INPP5F: variants seen among roughly 807,000 people sequenced by gnomAD.
INPP5F encodes the protein phosphatidylinositide 4-phosphatase SAC2.
Under a neutral mutation model 137.2 loss-of-function variants are expected in INPP5F, and 97 were observed. That is an observed-to-expected ratio of 0.71 (90% CI 0.60 to 0.84). The LOEUF is 0.84. INPP5F is among the 40% of genes least tolerant of loss of function. The pLI, the probability that INPP5F is intolerant of heterozygous loss-of-function variation, is 0.00. For missense variants in INPP5F, 1,271 were observed against 1,371.9 expected (o/e 0.93, Z 1.16); for synonymous variants, 504 against 476.9 (o/e 1.06, Z -0.74).
intron 15 of INPP5F, among the ~76,000 whole-genome samples, chr10:119,820,136 T>C (rs1221691401): frequency 6.6e-6 from 1 of 152,244 alleles, no homozygotes; most frequent in Non-Finnish European, 1.5e-5. Flanking sequence ...GTAGATTTTA[T>C]ACTTTAAGAA....
intron 13 of INPP5F, among the ~76,000 whole-genome samples, chr10:119,809,260 T>C (rs1182581394): frequency 6.7e-6 from 1 of 150,036 alleles, no homozygotes; most frequent in Non-Finnish European, 1.5e-5. Context: ...CTGGTTCAAG[T>C]TAGTGATTAA....
In INPP5F at chr10:119,804,106, T is replaced by G. The variant is rs1476696099; in HGVS notation, c.1117-67T>G. The G allele has an allele frequency of 1.9e-5, 22 of 1,175,174 alleles. No individual in the cohort carries two copies. The Admixed American group carries it at 5.3e-4, about 28-fold the overall frequency. The allele number at this position is 1,175,174 out of a possible 1,614,324, so 72.8% of individuals were successfully genotyped here. ...ACCACACTGTGATTCTAACATCTAA[T>G]TAAATTTTAAACCACATTGTGATTC... On this transcript the variant is annotated intron_variant, in intron 9 of 19. Coordinates refer to ENST00000650623, the MANE Select transcript of INPP5F (RefSeq NM_014937.4).
At chr10:119,797,038 A>C in intron 7 of INPP5F, 125 bp downstream of exon 7, 1 of 896,706 alleles carries the variant, frequency 1.1e-6, no homozygotes, top group Non-Finnish European at 1.8e-6. Flanking sequence ...GTGCTTGGGG[A>C]CTCTAAATAC....
Position 119,766,130 on chromosome 10 carries a change from C to T in INPP5F, c.178+14974C>T, listed in dbSNP as rs149359946. Among the ~76,000 whole-genome samples the T allele has an allele frequency of 1.2e-3, 177 of 152,178 alleles. 2 individuals carry two copies. The highest frequency in any genetic ancestry group is 4.0e-3 in the African/African-American group (166 of 41,496). On this transcript the variant is annotated intron_variant, in intron 2 of 19. Transcript: ENST00000650623. ...GCCTGATAACCAGGAGCACTGATGT[C>T]TGCAGGCAGGAGAAGATGATGTCCC...
rs769964810 is a variant in INPP5F at position 119,828,154 on chromosome 10, CTGTT to C, written c.*378_*381del. On this transcript the variant is annotated 3_prime_UTR_variant, in exon 20 of 20. Coordinates refer to ENST00000650623, the MANE Select transcript of INPP5F (RefSeq NM_014937.4). The stretch of plus-strand genomic sequence containing the variant: ...GGATTAGCGTTTTTCATAATTTGTT[CTGTT>C]TGTCAGTTCATTCCTGTGTGTTCTT... 1.2e-5 allele frequency: 2 copies of C among 168,754 alleles called. No individual in the cohort carries two copies. Among genetic ancestry groups the C allele is most frequent in the African/African-American group, 2.4e-5 (1 of 41,628 alleles). 10.5% of individuals were successfully genotyped at this position (168,754 alleles called of 1,614,324 possible). A position where few individuals can be genotyped will look rare whatever the true frequency, so the allele number is the denominator to read the frequency against.
chr10:119,736,533 C>T (rs2077463100), intron 1 of INPP5F, among the ~76,000 whole-genome samples: 1 of 152,174 alleles, frequency 6.6e-6, no homozygotes, highest in Non-Finnish European at 1.5e-5. Flanking sequence ...TAAGTCTATA[C>T]CTTTCATAGT....
chr10:119,792,141 C>T lies in INPP5F; in HGVS notation c.613-16C>T. The T allele has an allele frequency of 1.2e-6, 2 of 1,614,052 alleles. No homozygotes were observed. The highest frequency in any genetic ancestry group is 8.5e-7 in the Non-Finnish European group (1 of 1,179,998). ...AATAATGTGTTTCTGAACTATTGTT[C>T]CTGCACCTTTTCTAGGTTGATGACC... On this transcript the variant is annotated splice_polypyrimidine_tract_variant and intron_variant, in intron 5 of 19. Coordinates refer to ENST00000650623, the MANE Select transcript of INPP5F (RefSeq NM_014937.4).
chr10:119,784,688 A>G (rs969361107), intron 3 of INPP5F, among the ~76,000 whole-genome samples: 2 of 152,252 alleles, frequency 1.3e-5, no homozygotes, highest in African/African-American at 4.8e-5. Flanking sequence ...GCCAGTTAAA[A>G]AAAATTCACA....
Position 119,726,297 on chromosome 10 carries a change from T to C in INPP5F, c.35T>C (p.Leu12Pro), listed in dbSNP as rs1847885219. 6 of 1,489,316 alleles carry C rather than the reference T, an allele frequency of 4.0e-6. No homozygotes were observed. The highest frequency in any genetic ancestry group is 1.5e-5 in the African/African-American group (1 of 68,634). The allele number at this position is 1,489,316 out of a possible 1,614,324, so 92.3% of individuals were successfully genotyped here. ...ELFQAKDHYI[L>P]QQGERALWCS... Reference sequence around the variant, plus strand: ...TTCCAAGCCAAGGACCACTACATCCTGCAGCAGGGCGAGCGCGCGCTGTGG... The same window carrying C: ...TTCCAAGCCAAGGACCACTACATCCCGCAGCAGGGCGAGCGCGCGCTGTGG... Residue 12 changes from leucine (L) to proline (P), a missense_variant, in exon 1 of 20, where the codon CTG becomes CCG. Coordinates refer to ENST00000650623, the MANE Select transcript of INPP5F (RefSeq NM_014937.4).
At chr10:119,764,786 T>C (rs1272694645) in intron 2 of INPP5F, among the ~76,000 whole-genome samples, 1 of 152,122 alleles carries the variant, frequency 6.6e-6, no homozygotes, top group African/African-American at 2.4e-5. Context: ...TTTCACCATG[T>C]TGGCTGGTCT....
chr10:119,771,508 A>G (rs1279533522), intron 2 of INPP5F, among the ~76,000 whole-genome samples: 2 of 151,944 alleles, frequency 1.3e-5, no homozygotes, highest in Non-Finnish European at 2.9e-5. Flanking sequence ...TATCTGCCCT[A>G]TTTCCACTGC....
intron 13 of INPP5F, among the ~76,000 whole-genome samples, chr10:119,808,981 T>C (rs1850914828): frequency 6.6e-6 from 1 of 152,136 alleles, no homozygotes; most frequent in African/African-American, 2.4e-5. Flanking sequence ...CCCAGCACTT[T>C]AGGAGGCTGA....
intron 2 of INPP5F, among the ~76,000 whole-genome samples, chr10:119,774,261 C>CAAA (rs572329987): frequency 1.6e-3 from 128 of 82,066 alleles, no homozygotes; most frequent in African/African-American, 5.7e-3. Context: ...ACTCAGTCTC[C>CAAA]AAAAAAAAAA....
chr10:119,735,998 C>T (rs1848206204), intron 1 of INPP5F, among the ~76,000 whole-genome samples: 1 of 152,152 alleles, frequency 6.6e-6, no homozygotes, highest in South Asian at 2.1e-4. Flanking sequence ...GGTGTGGTGG[C>T]GAGCGCCGGT....
intron 1 of INPP5F, among the ~76,000 whole-genome samples, chr10:119,750,527 AG>A (rs1292541923): frequency 6.6e-6 from 1 of 152,250 alleles, no homozygotes; most frequent in Non-Finnish European, 1.5e-5. Flanking sequence ...GGTTTAGATG[AG>A]GAACCCTGAT....
At chr10:119,768,876 A>G (rs1181864515) in intron 2 of INPP5F, among the ~76,000 whole-genome samples, 2 of 152,230 alleles carry the variant, frequency 1.3e-5, no homozygotes, top group Non-Finnish European at 2.9e-5. Flanking sequence ...AACCTACAAA[A>G]TAAATTATGG....
chr10:119,758,097 C>T (rs570368588), intron 2 of INPP5F, among the ~76,000 whole-genome samples: 7 of 152,330 alleles, frequency 4.6e-5, no homozygotes, highest in Middle Eastern at 3.4e-3. Context: ...TTGTAGAAAC[C>T]TAGACTCAGA....
intron 1 of INPP5F, among the ~76,000 whole-genome samples, chr10:119,727,746 G>T (rs149747205): frequency 1.7e-3 from 256 of 152,302 alleles, no homozygotes; most frequent in African/African-American, 6.0e-3. Context: ...TGATGATCTC[G>T]GGATAGAGTT....
chr10:119,808,887 A>T (rs1341179976), intron 13 of INPP5F, among the ~76,000 whole-genome samples: 1 of 152,168 alleles, frequency 6.6e-6, no homozygotes, highest in Non-Finnish European at 1.5e-5. Context: ...TTGAGTGATA[A>T]ATATCAAAAG....
Sources: gnomAD v4.1 joint callset for allele counts (sites outside exome capture counted in the v4.1 genomes callset) on GRCh38, gnomAD v4.1.1 for gene constraint, MANE v1.5 for transcripts, NCBI Gene and HGNC (gene_info 2026-07-23, HGNC 2026-07-21) for gene names.